The following SYNE2 variants were observed in gnomAD, a reference collection of about 807,000 sequenced individuals.
The protein encoded by SYNE2 is spectrin repeat containing nuclear envelope protein 2.
In SYNE2, 431 loss-of-function variants were observed where a neutral mutation model predicts 856.3. The ratio of observed to expected loss-of-function variants is 0.50; its 90% CI spans 0.47 to 0.55. The LOEUF is 0.55. Ranked by LOEUF, SYNE2 falls within the 20% of genes least tolerant of loss-of-function variation. The probability of loss-of-function intolerance (pLI) is 0.00; values close to 1 mark genes in which losing one functional copy is unlikely to be tolerated. For synonymous variants in SYNE2, 2,923 were observed against 2,872.3 expected, an observed-to-expected ratio of 1.02 and a Z score of -0.56; for missense variants, 8,129 against 8,023.2, an observed-to-expected ratio of 1.01 and a Z score of -0.50.
chr14:64,098,267 A>G lies in SYNE2; in HGVS notation c.12306+121A>G, dbSNP rs576056414. 2.8e-6 allele frequency: 3 copies of G among 1,077,790 alleles called. No homozygotes were observed. In the East Asian group the frequency reaches 7.7e-5, roughly 28 times the overall value. The allele number at this position is 1,077,790 out of a possible 1,614,324, so 66.8% of individuals were successfully genotyped here. On this transcript the variant is annotated intron_variant, in intron 62 of 115. Transcript: ENST00000555002. ...TGGCCTGTAGTAAAGGAATTTTTTA[A>G]AGTGGAAATACTCAACCTGAGGTTG...
At chr14:63,809,411 T>A (rs537348082) in intron 1 of SYNE2, among the ~76,000 whole-genome samples, 1 of 152,212 alleles carries the variant, frequency 6.6e-6, no homozygotes, top group Non-Finnish European at 1.5e-5. Context: ...TTTATTGTTC[T>A]TTTGGTTAAA....
In SYNE2 at chr14:64,048,154, AG is replaced by A. The variant is rs2097199440; in HGVS notation, c.7377+1del. 1 of 1,612,534 alleles carries A rather than the reference AG, an allele frequency of 6.2e-7. No homozygotes were observed. Reference sequence around the variant, plus strand: ...AGAAATGAACAATTAGAAGAGATAGAGGTATGGAAACATAAAAACACTGACA... The same window carrying A: ...AGAAATGAACAATTAGAAGAGATAGAGTATGGAAACATAAAAACACTGACA... ...MLRNEQLEEI[E>X]KLYTQLEAKK... On this transcript the variant is annotated frameshift_variant and splice_region_variant, in exon 46 of 116. Transcript: ENST00000555002. LOFTEE classifies it high-confidence loss of function.
intron 52 of SYNE2, 111 bp from the exon 53 acceptor site, chr14:64,073,857 A>T: frequency 2.5e-6 from 3 of 1,202,142 alleles, no homozygotes; most frequent in Non-Finnish European, 3.6e-6. Flanking sequence ...GGAAATAACC[A>T]TCCTTTAGTA....
chr14:63,963,834 A>AT, intron 9 of SYNE2, 65 bp from the exon 10 acceptor site: 2 of 1,103,592 alleles, frequency 1.8e-6, no homozygotes, highest in East Asian at 2.5e-5. Flanking sequence ...CAAGTTGCTA[A>AT]TTTTTTTGTT....
intron 45 of SYNE2, chr14:64,034,480 G>A (rs766832390): frequency 4.1e-6 from 2 of 493,448 alleles, no homozygotes; most frequent in South Asian, 3.5e-5. Flanking sequence ...TTTAGTAAAT[G>A]TCATTAATCT....
chr14:64,133,056 AT>A (rs896471760), intron 77 of SYNE2, among the ~76,000 whole-genome samples: 6 of 142,134 alleles, frequency 4.2e-5, no homozygotes, highest in African/African-American at 1.8e-4. Context: ...CAAAAAAAAA[AT>A]TAGCTGGGCG....
intron 94 of SYNE2, among the ~76,000 whole-genome samples, chr14:64,172,731 C>G (rs2098416803): frequency 6.6e-6 from 1 of 151,972 alleles, no homozygotes; most frequent in African/African-American, 2.4e-5. Context: ...CAGTTTGAGA[C>G]CAGCCTGTGT....
intron 47 of SYNE2, 79 bp from the exon 48 acceptor site, chr14:64,051,478 C>A: frequency 1.5e-6 from 2 of 1,328,304 alleles, no homozygotes; most frequent in Non-Finnish European, 2.1e-6. Context: ...GAATTAATTT[C>A]TTCTAATGAT....
intron 113 of SYNE2, 85 bp downstream of exon 113, chr14:64,223,465 A>G: frequency 6.6e-7 from 1 of 1,516,510 alleles, no homozygotes; most frequent in Non-Finnish European, 9.1e-7. Flanking sequence ...GCTCTAAGAC[A>G]GAGGCCAGAA....
At chr14:64,177,600 AT>A (rs1410792704) in intron 96 of SYNE2, 117 bp downstream of exon 96, 2 of 1,340,616 alleles carry the variant, frequency 1.5e-6, no homozygotes, top group African/African-American at 2.9e-5. Context: ...ATCAGAAAAT[AT>A]TTTCCCGATC....
intron 1 of SYNE2, among the ~76,000 whole-genome samples, chr14:63,764,202 A>C (rs1886590071): frequency 6.6e-6 from 1 of 152,236 alleles, no homozygotes. Flanking sequence ...GTGAGTCTAC[A>C]GACTGGATTA....
At chr14:64,185,838 G>A (rs1290127068) in intron 96 of SYNE2, among the ~76,000 whole-genome samples, 1 of 152,112 alleles carries the variant, frequency 6.6e-6, no homozygotes, top group Non-Finnish European at 1.5e-5. Context: ...CATTTTAAAA[G>A]ATAGATGTTT....
intron 55 of SYNE2, among the ~76,000 whole-genome samples, chr14:64,079,840 A>G (rs1237373137): frequency 6.6e-6 from 1 of 152,028 alleles, no homozygotes; most frequent in Non-Finnish European, 1.5e-5. Flanking sequence ...TCCCAAGTAG[A>G]TGAGACTGCA....
intron 1 of SYNE2, among the ~76,000 whole-genome samples, chr14:63,858,262 C>CTTTT (rs61091259): frequency 2.8e-4 from 15 of 52,928 alleles, no homozygotes; most frequent in East Asian, 2.0e-3. Flanking sequence ...CCACACCGGC[C>CTTTT]TTTTTTTTTT....
At chr14:64,120,821 A>T in intron 67 of SYNE2, 106 bp from the exon 68 acceptor site, 1 of 1,192,014 alleles carries the variant, frequency 8.4e-7, no homozygotes, top group Non-Finnish European at 1.2e-6. Flanking sequence ...AAATACCATC[A>T]TTTATTTCAT....
Position 64,002,046 on chromosome 14 carries a change from C to T in SYNE2, c.3751C>T (p.Leu1251Phe), listed in dbSNP as rs755107066. The T allele has an allele frequency of 1.2e-6, 2 of 1,613,310 alleles. No homozygotes were observed. The highest frequency in any genetic ancestry group is 2.2e-5 in the South Asian group (2 of 91,052). The change falls in exon 29 of 116, where the codon CTC becomes TTC. Residue 1251 changes from leucine (L) to phenylalanine (F), a missense_variant. Physicochemically the swap from Leu to Phe is conservative, Grantham distance 22 (BLOSUM62 0). This residue lies in a region of SYNE2 where 2,422 missense variants were observed against 2,357.4 expected (regional missense o/e 1.03). Coordinates refer to ENST00000555002, the MANE Select transcript of SYNE2 (RefSeq NM_182914.3). Reference protein sequence around the residue: ...LHKMAIQGFHLIDADRIYQHL... With the variant: ...LHKMAIQGFHFIDADRIYQHL... ...TAAAATGGCCATCCAGGGATTTCATCTCATTGATGCTGATCGCATCTATCA... is the reference window on the plus strand; with the variant it reads ...TAAAATGGCCATCCAGGGATTTCATTTCATTGATGCTGATCGCATCTATCA...
At chr14:63,994,594 T>C (rs1210592502) in intron 22 of SYNE2, among the ~76,000 whole-genome samples, 1 of 152,230 alleles carries the variant, frequency 6.6e-6, no homozygotes, top group Non-Finnish European at 1.5e-5. Flanking sequence ...TCAATGTTAA[T>C]ACATTATTTT....
At chr14:64,103,115 T>C (rs1046346987) in intron 64 of SYNE2, among the ~76,000 whole-genome samples, 1 of 152,228 alleles carries the variant, frequency 6.6e-6, no homozygotes, top group African/African-American at 2.4e-5. Context: ...CTTCTCACAT[T>C]ACCTTTGCAC....
At chr14:63,914,931 C>G (rs891643775) in intron 2 of SYNE2, among the ~76,000 whole-genome samples, 1 of 152,128 alleles carries the variant, frequency 6.6e-6, no homozygotes, top group African/African-American at 2.4e-5. Context: ...GCATGTGCCA[C>G]CACGCCAAGC....
Sources: gnomAD v4.1 joint callset for allele counts (sites outside exome capture counted in the v4.1 genomes callset) on GRCh38, gnomAD v4.1.1 for gene constraint, gnomAD v4.1.1 regional missense constraint, MANE v1.5 for transcripts, NCBI Gene and HGNC (gene_info 2026-07-23, HGNC 2026-07-21) for gene names.